Variants in CCNK observed in about 807,000 individuals in gnomAD.
CCNK encodes the protein cyclin-K.
A neutral mutation model predicts 65.0 loss-of-function variants in CCNK; 9 were observed. That is an observed-to-expected ratio of 0.14 (90% CI 0.08 to 0.24). CCNK has a LOEUF of 0.24. Ranked by LOEUF, CCNK falls within the 10% of genes least tolerant of loss-of-function variation. CCNK has a pLI of 1.00. For missense variants in CCNK, 474 were observed against 720.0 expected, an observed-to-expected ratio of 0.66 and a Z score of 3.91; for synonymous variants, 279 against 270.8, an observed-to-expected ratio of 1.03 and a Z score of -0.30.
Position 99,481,483 on chromosome 14 carries a change from A to G in CCNK, c.-53+4A>G. The G allele has an allele frequency of 2.5e-6, 1 of 398,706 alleles. No homozygotes were observed. Among genetic ancestry groups the G allele is most frequent in the Non-Finnish European group, 4.4e-6 (1 of 226,110 alleles). The allele number at this position is 398,706 out of a possible 1,614,324, so 24.7% of individuals were successfully genotyped here. A position where few individuals can be genotyped will look rare whatever the true frequency, so the allele number is the denominator to read the frequency against. ...AGGGGCTTGCCTGAAGCGAGGGGTG[A>G]GTGACCCACCGACTGAGGGCAGCGC... On this transcript the variant is annotated splice_donor_region_variant and intron_variant, in intron 1 of 10. Transcript: ENST00000389879.
intron 8 of CCNK, 94 bp from the exon 9 acceptor site, chr14:99,503,517 G>C (rs919228841): frequency 9.3e-7 from 1 of 1,077,540 alleles, no homozygotes; most frequent in African/African-American, 1.6e-5. Context: ...CACAGTGACT[G>C]CCGTCGCTGA....
chr14:99,486,636 T>C (rs754527038), intron 1 of CCNK, among the ~76,000 whole-genome samples: 108 of 152,366 alleles, frequency 7.1e-4, no homozygotes, highest in Non-Finnish European at 1.2e-3. Flanking sequence ...GCTTTTTCTC[T>C]TGTCTTATCC....
In CCNK at chr14:99,481,421, A is replaced by G. The variant is rs1428664438; in HGVS notation, c.-111A>G. The G allele has an allele frequency of 4.0e-5, 16 of 398,598 alleles. No individual in the cohort carries two copies. The highest frequency in any genetic ancestry group is 2.7e-5 in the Non-Finnish European group (6 of 226,116). 24.7% of individuals were successfully genotyped at this position (398,598 alleles called of 1,614,324 possible). ...GACGTAGGTCCCCGACATTCCATATACAAGATGGCCGCAGTCGGCAAGGAG... is the reference window on the plus strand; with the variant it reads ...GACGTAGGTCCCCGACATTCCATATGCAAGATGGCCGCAGTCGGCAAGGAG... On this transcript the variant is annotated 5_prime_UTR_variant, in exon 1 of 11. The change creates a new upstream start codon in the 5' untranslated region. Coordinates refer to ENST00000389879, the MANE Select transcript of CCNK (RefSeq NM_001099402.2).
chr14:99,482,320 G>A (rs549209946), intron 1 of CCNK, among the ~76,000 whole-genome samples: 2 of 152,236 alleles, frequency 1.3e-5, no homozygotes, highest in Non-Finnish European at 2.9e-5. Flanking sequence ...ATGCCTTGCA[G>A]TTGTAGGTGC....
intron 6 of CCNK, chr14:99,501,688 A>G (rs538635589): frequency 7.8e-5 from 32 of 410,848 alleles, no homozygotes; most frequent in Non-Finnish European, 1.3e-4. Context: ...AGAATTTTGA[A>G]AACTAATTAC....
chr14:99,506,991 A>G lies in CCNK; in HGVS notation c.1046-85A>G, dbSNP rs147865856. 1.0e-3 allele frequency: 906 copies of G among 865,274 alleles called. 11 individuals are homozygous for G. Among genetic ancestry groups the G allele is most frequent in the East Asian group, 8.6e-3 (358 of 41,438 alleles). The allele number at this position is 865,274 out of a possible 1,614,324, so 53.6% of individuals were successfully genotyped here. On this transcript the variant is annotated intron_variant, in intron 9 of 10. Coordinates refer to ENST00000389879, the MANE Select transcript of CCNK (RefSeq NM_001099402.2). ...TCTCTGTTGTTTTTCTCCCAAAGAA[A>G]TCTCTGCCAGTACATTTTTCTTTAT...
intron 4 of CCNK, among the ~76,000 whole-genome samples, chr14:99,497,363 G>T (rs183920449): frequency 1.9e-4 from 29 of 152,220 alleles, no homozygotes; most frequent in Admixed American, 1.8e-3. Context: ...TTTCAGATTG[G>T]TCTCTTTCAC....
chr14:99,487,584 G>A (rs1896517163), intron 1 of CCNK, among the ~76,000 whole-genome samples: 1 of 152,220 alleles, frequency 6.6e-6, no homozygotes, highest in African/African-American at 2.4e-5. Flanking sequence ...ATATTGAGCA[G>A]AAGAAACCAA....
intron 4 of CCNK, among the ~76,000 whole-genome samples, chr14:99,499,612 A>T (rs1297609645): frequency 5.3e-5 from 8 of 152,150 alleles, no homozygotes; most frequent in Non-Finnish European, 1.0e-4. Flanking sequence ...CTCCCCGCAC[A>T]CAGTGTCTTG....
At chr14:99,504,030 G>A in intron 9 of CCNK, 2 of 368,040 alleles carry the variant, frequency 5.4e-6, no homozygotes, top group African/African-American at 2.2e-5. Flanking sequence ...GGGGTGGTGT[G>A]CTGCCCGGAC....
intron 9 of CCNK, chr14:99,506,395 T>C (rs1896975709): frequency 6.6e-6 from 1 of 152,574 alleles, no homozygotes. Context: ...TCCCTTGGGC[T>C]GCCTTGGAGA....
At chr14:99,481,608 A>C (rs1282769572) in intron 1 of CCNK, 129 bp downstream of exon 1, 2 of 389,286 alleles carry the variant, frequency 5.1e-6, no homozygotes, top group African/African-American at 4.2e-5. Context: ...CCCTCCGCTA[A>C]CCTCCGGTAC....
chr14:99,508,757 G>A (rs1258221240), intron 10 of CCNK: 1 of 152,466 alleles, frequency 6.6e-6, no homozygotes, highest in Admixed American at 6.5e-5. Flanking sequence ...CAGCACAAGG[G>A]CAGGCACACT....
chr14:99,498,603 G>A (rs1306890460), intron 4 of CCNK, among the ~76,000 whole-genome samples: 1 of 152,086 alleles, frequency 6.6e-6, no homozygotes, highest in Non-Finnish European at 1.5e-5. Context: ...CTTTGTGTTG[G>A]GCACTAGACA....
chr14:99,496,583 G>A (rs1370931380), intron 4 of CCNK, among the ~76,000 whole-genome samples: 1 of 152,042 alleles, frequency 6.6e-6, no homozygotes, highest in African/African-American at 2.4e-5. Flanking sequence ...GGTGGTGGGT[G>A]CCTGTAGTCC....
chr14:99,482,097 TGTGACAGCTCCTAAACGATTG>T (rs1207344735), intron 1 of CCNK, among the ~76,000 whole-genome samples: 1 of 152,242 alleles, frequency 6.6e-6, no homozygotes, highest in Non-Finnish European at 1.5e-5. Context: ...CTAGAGGTTA[TGTGACAGCTCCTAAACGATTG>T]TCTGCCCAAG....
rs1304576863 is a variant in CCNK at position 99,510,360 on chromosome 14, G to A, written c.1321G>A (p.Gly441Arg). 1 of 1,581,240 alleles carries A rather than the reference G, an allele frequency of 6.3e-7. No individual in the cohort carries two copies. ...GTCCACCACCAGCTCCTACATGTCT[G>A]GAGAGGGCTACCAGAGCCTGCAGTC... ...GMSTTSSYMS[G>R]EGYQSLQSMM... Residue 441 changes from glycine (G) to arginine (R), a missense_variant, in exon 11 of 11, where the codon GGA (glycine) becomes AGA (arginine). Transcript: ENST00000389879.
intron 10 of CCNK, 103 bp from the exon 11 acceptor site, chr14:99,510,034 CCACAGAGGAGGCGGGCAGCT>C (rs1379303753): frequency 1.0e-6 from 1 of 960,994 alleles, no homozygotes; most frequent in Non-Finnish European, 1.5e-6. Flanking sequence ...ATGCGTTGGG[CCACAGAGGAGGCGGGCAGCT>C]GCTCCCTGCT....
intron 1 of CCNK, among the ~76,000 whole-genome samples, chr14:99,490,768 A>G (rs1308996156): frequency 6.6e-6 from 1 of 152,062 alleles, no homozygotes; most frequent in Non-Finnish European, 1.5e-5. Flanking sequence ...TCTACTAAAA[A>G]TACAAAAAAA....
Sources: gnomAD v4.1 joint callset for allele counts (sites outside exome capture counted in the v4.1 genomes callset) on GRCh38, gnomAD v4.1.1 for gene constraint, MANE v1.5 for transcripts, NCBI Gene and HGNC (gene_info 2026-07-23, HGNC 2026-07-21) for gene names.